XPR1: variants seen among roughly 807,000 people sequenced by gnomAD.
XPR1 encodes xenotropic and polytropic retrovirus receptor 1.
XPR1 carries 28 observed loss-of-function variants against 87.5 expected under a neutral mutation model. That is an observed-to-expected ratio of 0.32 (90% CI 0.24 to 0.44). The LOEUF (loss-of-function observed/expected upper bound fraction) is 0.44. Among genes scored for constraint, XPR1 ranks in the 20% least tolerant of loss-of-function variants. The pLI is 1.00. For synonymous variants in XPR1, 300 were observed against 306.1 expected (o/e 0.98, Z 0.21); for missense variants, 559 against 862.3 (o/e 0.65, Z 4.41).
chr1:180,685,513 G>A (rs1656735460), intron 2 of XPR1, among the ~76,000 whole-genome samples: 2 of 152,112 alleles, frequency 1.3e-5, no homozygotes, highest in South Asian at 4.2e-4. Context: ...AATGAGTTAG[G>A]GAGGATTCCC....
chr1:180,687,256 A>G (rs899348636), intron 2 of XPR1, among the ~76,000 whole-genome samples: 1 of 152,114 alleles, frequency 6.6e-6, no homozygotes, highest in Non-Finnish European at 1.5e-5. Flanking sequence ...ATGCTGGAGC[A>G]TGTTTCTTGT....
intron 2 of XPR1, among the ~76,000 whole-genome samples, chr1:180,778,095 C>G (rs1345492751): frequency 6.6e-6 from 1 of 152,146 alleles, no homozygotes; most frequent in Non-Finnish European, 1.5e-5. Context: ...ATCCTCCCAC[C>G]TCAGCCTCCC....
chr1:180,801,070 A>G (rs192339902), intron 3 of XPR1, among the ~76,000 whole-genome samples: 3 of 152,346 alleles, frequency 2.0e-5, no homozygotes, highest in Admixed American at 2.0e-4. Flanking sequence ...GTGCAAAAAC[A>G]TCTGTCCTGT....
chr1:180,659,601 C>G lies in XPR1; in HGVS notation c.70-22759C>G, dbSNP rs558273780. On this transcript the variant is annotated intron_variant, in intron 1 of 14. Coordinates refer to ENST00000367590, the MANE Select transcript of XPR1 (RefSeq NM_004736.4). Reference sequence around the variant, plus strand: ...CCCCAGCCACCGCACCCCCACCCCCCACCCCCCGCCGGGTTCAAGCGATTC... The same window carrying G: ...CCCCAGCCACCGCACCCCCACCCCCGACCCCCCGCCGGGTTCAAGCGATTC... 1.1e-4 allele frequency among the ~76,000 whole-genome samples: 14 copies of G among 127,010 alleles called. 1 individual carries two copies. The highest frequency in any genetic ancestry group is 4.4e-4 in the African/African-American group (14 of 31,626). 83.3% of individuals were successfully genotyped at this position (127,010 alleles called of 152,430 possible).
At chr1:180,747,036 G>A (rs1388016532) in intron 2 of XPR1, among the ~76,000 whole-genome samples, 1 of 151,988 alleles carries the variant, frequency 6.6e-6, no homozygotes, top group Non-Finnish European at 1.5e-5. Context: ...ATGTCAAATA[G>A]TGGTCTTTTG....
intron 2 of XPR1, among the ~76,000 whole-genome samples, chr1:180,708,738 T>A (rs1657640505): frequency 6.6e-6 from 1 of 152,160 alleles, no homozygotes; most frequent in African/African-American, 2.4e-5. Flanking sequence ...AATTTCAAAC[T>A]CTTTCATAAA....
At chr1:180,632,309 C>T (rs762043339) in intron 1 of XPR1, 39 bp downstream of exon 1, 7 of 1,591,982 alleles carry the variant, frequency 4.4e-6, no homozygotes, top group Middle Eastern at 1.7e-4. Context: ...CTCGGAGGGG[C>T]CACCATCTCG....
At chr1:180,802,755 G>A (rs962776100) in intron 3 of XPR1, among the ~76,000 whole-genome samples, 1 of 152,086 alleles carries the variant, frequency 6.6e-6, no homozygotes, top group Admixed American at 6.5e-5. Flanking sequence ...TTCTGGACAT[G>A]TCATATAAAT....
At chr1:180,750,167 C>T (rs1240083128) in intron 2 of XPR1, among the ~76,000 whole-genome samples, 1 of 151,986 alleles carries the variant, frequency 6.6e-6, no homozygotes, top group Non-Finnish European at 1.5e-5. Flanking sequence ...TCCTTTTTCT[C>T]CTTTCTCATG....
At chr1:180,679,795 G>A (rs558307255) in intron 1 of XPR1, among the ~76,000 whole-genome samples, 7 of 152,248 alleles carry the variant, frequency 4.6e-5, no homozygotes, top group Non-Finnish European at 7.4e-5. Flanking sequence ...AGACTTTCCA[G>A]ATCATCACTG....
At chr1:180,859,325 G>T (rs962761538) in intron 11 of XPR1, among the ~76,000 whole-genome samples, 3 of 151,976 alleles carry the variant, frequency 2.0e-5, no homozygotes, top group East Asian at 3.9e-4. Context: ...TAAATTCATG[G>T]ATACCATTGC....
At chr1:180,746,466 G>A (rs1443816138) in intron 2 of XPR1, among the ~76,000 whole-genome samples, 1 of 152,026 alleles carries the variant, frequency 6.6e-6, no homozygotes, top group Admixed American at 6.6e-5. Context: ...CTTTCTTATG[G>A]CTGAGTAGTA....
chr1:180,883,247 C>A (rs1206231882), intron 14 of XPR1, among the ~76,000 whole-genome samples: 2 of 150,146 alleles, frequency 1.3e-5, no homozygotes, highest in African/African-American at 4.9e-5. Flanking sequence ...ATTACAGGAA[C>A]CAGCCAGTTT....
intron 2 of XPR1, among the ~76,000 whole-genome samples, chr1:180,710,555 A>C (rs1557968514): frequency 6.6e-6 from 1 of 152,078 alleles, no homozygotes; most frequent in Non-Finnish European, 1.5e-5. Context: ...AGGCAGAAGA[A>C]TTTTTCTTAG....
chr1:180,712,763 G>A (rs1657843246), intron 2 of XPR1, among the ~76,000 whole-genome samples: 1 of 151,936 alleles, frequency 6.6e-6, no homozygotes, highest in Non-Finnish European at 1.5e-5. Flanking sequence ...GTGAGGTTGT[G>A]CCACTGCACT....
intron 2 of XPR1, among the ~76,000 whole-genome samples, chr1:180,708,930 G>T: frequency 9.4e-6 from 1 of 106,602 alleles, no homozygotes; most frequent in African/African-American, 3.4e-5. Flanking sequence ...GGGCGGGGGC[G>T]GGGACAAGTC....
chr1:180,710,100 G>A (rs1657710720), intron 2 of XPR1, among the ~76,000 whole-genome samples: 1 of 151,688 alleles, frequency 6.6e-6, no homozygotes, highest in Non-Finnish European at 1.5e-5. Context: ...CACCATGTTG[G>A]CCAGGCTGGT....
At chr1:180,827,706 A>G (rs1650900426) in intron 9 of XPR1, among the ~76,000 whole-genome samples, 1 of 152,204 alleles carries the variant, frequency 6.6e-6, no homozygotes. Context: ...AGATAATTTT[A>G]GTATTAATTG....
intron 9 of XPR1, among the ~76,000 whole-genome samples, chr1:180,826,152 T>G (rs1386464844): frequency 1.3e-5 from 2 of 152,262 alleles, no homozygotes; most frequent in Non-Finnish European, 2.9e-5. Context: ...TCATTTAGCC[T>G]CAGCAGTGAA....
Sources: gnomAD v4.1 joint callset for allele counts (sites outside exome capture counted in the v4.1 genomes callset) on GRCh38, gnomAD v4.1.1 for gene constraint, MANE v1.5 for transcripts, NCBI Gene and HGNC (gene_info 2026-07-23, HGNC 2026-07-21) for gene names.